SV2B: variants seen among roughly 807,000 people sequenced by gnomAD.
The protein encoded by SV2B is synaptic vesicle glycoprotein 2B.
SV2B carries 41 observed loss-of-function variants against 73.9 expected under a neutral mutation model. The observed-to-expected ratio is 0.56, with a 90% CI of 0.43 to 0.72. SV2B has a LOEUF of 0.72. Among genes scored for constraint, SV2B ranks in the 30% least tolerant of loss-of-function variants. The pLI is 0.00. For missense variants in SV2B, 764 were observed against 857.8 expected (o/e 0.89, Z 1.37); for synonymous variants, 314 against 314.2 (o/e 1.00, Z 0.01).
chr15:91,109,355 G>A (rs890679971), intron 1 of SV2B, among the ~76,000 whole-genome samples: 1 of 152,246 alleles, frequency 6.6e-6, no homozygotes, highest in African/African-American at 2.4e-5. Flanking sequence ...CTGGGAGCTT[G>A]GTGCTGTTAA....
intron 1 of SV2B, among the ~76,000 whole-genome samples, chr15:91,177,041 T>A (rs2044337324): frequency 6.6e-6 from 1 of 151,028 alleles, no homozygotes; most frequent in African/African-American, 2.4e-5. Context: ...CATTTAAGTC[T>A]TTAATCCATC....
At position 91,231,435 on chromosome 15, in the gene SV2B, C is replaced by T. The variant is rs2046570249; in HGVS notation, c.451+4721C>T. On this transcript the variant is annotated intron_variant, in intron 2 of 12. Transcript: ENST00000394232. The surrounding 1 kb of genome is among the most constrained non-coding windows in gnomAD (Gnocchi z 4.5). Reference sequence around the variant, plus strand: ...TTGGTTCTGGGGTTTCTGGAATTGGCTTTCTAATCTGATTAGATTTAAAGA... The same window carrying T: ...TTGGTTCTGGGGTTTCTGGAATTGGTTTTCTAATCTGATTAGATTTAAAGA... Among the ~76,000 whole-genome samples, 1 of 151,856 alleles carries T rather than the reference C, an allele frequency of 6.6e-6. No individual in the cohort carries two copies. The highest frequency in any genetic ancestry group is 2.4e-5 in the African/African-American group (1 of 41,260).
intron 1 of SV2B, among the ~76,000 whole-genome samples, chr15:91,104,060 G>T (rs554766659): frequency 1.3e-5 from 2 of 152,200 alleles, no homozygotes; most frequent in Non-Finnish European, 2.9e-5. Flanking sequence ...GCTTAGATGC[G>T]TACCCTAGGG....
intron 1 of SV2B, among the ~76,000 whole-genome samples, chr15:91,206,761 C>T (rs2045656257): frequency 6.6e-6 from 1 of 152,062 alleles, no homozygotes; most frequent in Non-Finnish European, 1.5e-5. Flanking sequence ...GTTATGTTTT[C>T]CCTTGACTTG....
At chr15:91,238,711 G>T (rs1014676679) in intron 2 of SV2B, among the ~76,000 whole-genome samples, 4 of 152,064 alleles carry the variant, frequency 2.6e-5, no homozygotes, top group Non-Finnish European at 1.5e-5. Flanking sequence ...AACTGCAGGG[G>T]TCTGCAGTGA....
Position 91,268,427 on chromosome 15 carries a change from C to G in SV2B, c.1209-14C>G. ...TCCTGTTGTTGTTGCAACCTTCTGC[C>G]TTCTCCACTCCAGTTACTATGGACT... On this transcript the variant is annotated splice_polypyrimidine_tract_variant and intron_variant, in intron 8 of 12. Transcript: ENST00000394232. The surrounding 1 kb of genome is among the most constrained non-coding windows in gnomAD (Gnocchi z 4.4). 6.2e-7 allele frequency: 1 copy of G among 1,605,768 alleles called. No homozygotes were observed. Among genetic ancestry groups the G allele is most frequent in the Non-Finnish European group, 8.5e-7 (1 of 1,173,534 alleles).
At chr15:91,251,651 T>G (rs1238723061) in intron 2 of SV2B, among the ~76,000 whole-genome samples, 168 bp from the exon 3 acceptor site, 1 of 152,258 alleles carries the variant, frequency 6.6e-6, no homozygotes, top group African/African-American at 2.4e-5. Flanking sequence ...AAAAGTCATA[T>G]TTGTATAGCA....
At chr15:91,175,379 C>T (rs940933858) in intron 1 of SV2B, among the ~76,000 whole-genome samples, 2 of 152,036 alleles carry the variant, frequency 1.3e-5, no homozygotes, top group South Asian at 2.1e-4. Context: ...CTCAGCCTCC[C>T]GAGTAGCTGG....
chr15:91,207,402 A>G (rs1313455411), intron 1 of SV2B, among the ~76,000 whole-genome samples: 1 of 152,134 alleles, frequency 6.6e-6, no homozygotes, highest in Non-Finnish European at 1.5e-5. Flanking sequence ...TTCTGTGTTA[A>G]GAGCAAAAAA....
rs1462307097 is a variant in SV2B, at chr15:91,130,196, C to A, written c.-392+29833C>A. Among the ~76,000 whole-genome samples the A allele has an allele frequency of 2.0e-5, 3 of 152,102 alleles. No homozygotes were observed. Among genetic ancestry groups the A allele is most frequent in the Non-Finnish European group, 4.4e-5 (3 of 68,014 alleles). On this transcript the variant is annotated intron_variant, in intron 1 of 12. Transcript: ENST00000394232. The surrounding 1 kb of genome is among the most constrained non-coding windows in gnomAD (Gnocchi z 5.6). ...GACTTGGCAAGTCTAGGAAGTGGGG[C>A]TGAGGAGAGTGAGAGGAGTGACACA...
intron 5 of SV2B, among the ~76,000 whole-genome samples, chr15:91,259,945 T>C (rs1456533029): frequency 6.6e-6 from 1 of 152,194 alleles, no homozygotes; most frequent in Non-Finnish European, 1.5e-5. Flanking sequence ...ATATCTTTTT[T>C]TGGGGGGACA....
In SV2B at chr15:91,197,923, A is replaced by C. The variant is rs968869795; in HGVS notation, c.-391-27950A>C. Among the ~76,000 whole-genome samples the C allele has an allele frequency of 2.0e-5, 3 of 152,120 alleles. No individual in the cohort carries two copies. The highest frequency in any genetic ancestry group is 4.8e-5 in the African/African-American group (2 of 41,426). ...GTGGGGGACCCGTGTAATCCCAGCTACTTGGCAGGCTGAAGCAGGAGAATC... is the reference window on the plus strand; with the variant it reads ...GTGGGGGACCCGTGTAATCCCAGCTCCTTGGCAGGCTGAAGCAGGAGAATC... On this transcript the variant is annotated intron_variant, in intron 1 of 12. Coordinates refer to ENST00000394232, the MANE Select transcript of SV2B (RefSeq NM_001323032.3). The surrounding 1 kb of genome is among the most constrained non-coding windows in gnomAD (Gnocchi z 4.9).
Position 91,124,834 on chromosome 15 carries a change from A to G in SV2B, c.-392+24471A>G, listed in dbSNP as rs1449071939. Among the ~76,000 whole-genome samples the G allele has an allele frequency of 6.6e-6, 1 of 152,088 alleles. No individual in the cohort carries two copies. Among genetic ancestry groups the G allele is most frequent in the Non-Finnish European group, 1.5e-5 (1 of 68,014 alleles). ...ACACCTGGCTAATGTTTGTATTTTTAGGAGAGACGGAATTTCACCATGTTG... is the reference window on the plus strand; with the variant it reads ...ACACCTGGCTAATGTTTGTATTTTTGGGAGAGACGGAATTTCACCATGTTG... On this transcript the variant is annotated intron_variant, in intron 1 of 12. Transcript: ENST00000394232. This position sits in a 1 kb window ranked among gnomAD's most constrained non-coding sequence, Gnocchi z 4.6.
At position 91,100,432 on chromosome 15, in the gene SV2B, G is replaced by C. The variant is rs2041690129; in HGVS notation, c.-392+69G>C. 6.6e-6 allele frequency: 1 copy of C among 152,362 alleles called. No individual in the cohort carries two copies. The highest frequency in any genetic ancestry group is 2.1e-4 in the South Asian group (1 of 4,834). The allele number at this position is 152,362 out of a possible 1,614,324, so 9.4% of individuals were successfully genotyped here. On this transcript the variant is annotated intron_variant, in intron 1 of 12. Transcript: ENST00000394232. This position sits in a 1 kb window ranked among gnomAD's most constrained non-coding sequence, Gnocchi z 6.4. ...GGGCGCGGACCCCGCGTGCGCCAGGGCTCCCAGACTCGCCTGCCTGGGCTG... is the reference window on the plus strand; with the variant it reads ...GGGCGCGGACCCCGCGTGCGCCAGGCCTCCCAGACTCGCCTGCCTGGGCTG...
chr15:91,276,762 A>T (rs1253614695), intron 9 of SV2B, among the ~76,000 whole-genome samples: 1 of 150,658 alleles, frequency 6.6e-6, no homozygotes, highest in Non-Finnish European at 1.5e-5. Flanking sequence ...TAATTATATT[A>T]AATTCCCTGC....
In SV2B at chr15:91,288,195, A is replaced by G. The variant is rs1206739819; in HGVS notation, c.1709-1326A>G. 2.0e-5 allele frequency among the ~76,000 whole-genome samples: 3 copies of G among 152,196 alleles called. No homozygotes were observed. The highest frequency in any genetic ancestry group is 6.5e-5 in the Admixed American group (1 of 15,280). Reference sequence around the variant, plus strand: ...GCCTTTCTTCAGGTTTCCCTTCAATAGCCCATGTACAGGTGTGTTCTCACC... The same window carrying G: ...GCCTTTCTTCAGGTTTCCCTTCAATGGCCCATGTACAGGTGTGTTCTCACC... On this transcript the variant is annotated intron_variant, in intron 11 of 12. Transcript: ENST00000394232. The surrounding 1 kb of genome is among the most constrained non-coding windows in gnomAD (Gnocchi z 5.8).
At chr15:91,179,548 A>C (rs1293054954) in intron 1 of SV2B, among the ~76,000 whole-genome samples, 2 of 152,110 alleles carry the variant, frequency 1.3e-5, no homozygotes, top group African/African-American at 2.4e-5. Flanking sequence ...GTAGTTCACT[A>C]AGGACTTGCT....
rs16945504 is a variant in SV2B at position 91,282,901 on chromosome 15, G to T, written c.1507+1040G>T. 7.4e-3 allele frequency among the ~76,000 whole-genome samples: 1,126 copies of T among 152,252 alleles called. 12 individuals are homozygous for T. The highest frequency in any genetic ancestry group is 0.026 in the African/African-American group (1,069 of 41,534). Reference sequence around the variant, plus strand: ...TGATCTTGAAACAATAATGAGTTCCGGAAGTTTAATAAGTGTCATTAGAAA... The same window carrying T: ...TGATCTTGAAACAATAATGAGTTCCTGAAGTTTAATAAGTGTCATTAGAAA... On this transcript the variant is annotated intron_variant, in intron 10 of 12. Coordinates refer to ENST00000394232, the MANE Select transcript of SV2B (RefSeq NM_001323032.3).
At chr15:91,158,424 G>T (rs180771053) in intron 1 of SV2B, among the ~76,000 whole-genome samples, 106 of 152,016 alleles carry the variant, frequency 7.0e-4, no homozygotes, top group African/African-American at 2.5e-3. Context: ...TATTTGTTTT[G>T]CAGAGAGCTC....
Sources: allele counts gnomAD v4.1 joint callset (sites outside exome capture counted in the v4.1 genomes callset), GRCh38; gene constraint gnomAD v4.1.1; non-coding constraint Gnocchi (gnomAD v3.1); transcripts MANE v1.5; gene names NCBI Gene and HGNC (gene_info 2026-07-23, HGNC 2026-07-21).